KRT19: variants seen among roughly 807,000 people sequenced by gnomAD.
The protein encoded by KRT19 is keratin 19, also known as keratin, type I cytoskeletal 19.
A neutral mutation model predicts 34.6 loss-of-function variants in KRT19; 21 were observed. The ratio of observed to expected loss-of-function variants is 0.61; its 90% confidence interval spans 0.43 to 0.87. The LOEUF (loss-of-function observed/expected upper bound fraction) is 0.87, where lower values mean the gene tolerates loss of function less well. Ranked by LOEUF, KRT19 falls within the 40% of genes least tolerant of loss-of-function variation. KRT19 has a pLI of 0.00. For synonymous variants in KRT19, 240 were observed against 245.8 expected (o/e 0.98, Z 0.22); for missense variants, 514 against 545.7 (o/e 0.94, Z 0.58).
Position 41,528,270 on chromosome 17 carries a change from G to A in KRT19, c.-23C>T. The stretch of plus-strand genomic sequence containing the variant: ...CATGGCGAGGCGGAGCACGGACGGA[G>A]CAACCCTGGTCTCAGAAGCTGCGAT... On this transcript the variant is annotated 5_prime_UTR_variant, in exon 1 of 6. Coordinates refer to ENST00000361566, the MANE Select transcript of KRT19 (RefSeq NM_002276.5). The A allele has an allele frequency of 6.6e-7, 1 of 1,523,944 alleles. No individual in the cohort carries two copies. Among genetic ancestry groups the A allele is most frequent in the Non-Finnish European group, 8.7e-7 (1 of 1,145,646 alleles). 94.4% of individuals were successfully genotyped at this position (1,523,944 alleles called of 1,614,324 possible).
At chr17:41,527,308 G>A (rs1018787931) in intron 1 of KRT19, among the ~76,000 whole-genome samples, 1 of 152,244 alleles carries the variant, frequency 6.6e-6, no homozygotes, top group Non-Finnish European at 1.5e-5. Flanking sequence ...GAGAGTGGGA[G>A]GAGGCCAAAG....
chr17:41,527,941 C>G lies in KRT19; in HGVS notation c.307G>C (p.Ala103Pro), dbSNP rs1429654153. 1 of 1,613,756 alleles carries G rather than the reference C, an allele frequency of 6.2e-7. No homozygotes were observed. The highest frequency in any genetic ancestry group is 1.7e-5 in the Admixed American group (1 of 60,028). Residue 103 changes from alanine (A) to proline (P), a missense_variant, in exon 1 of 6, where the codon GCG becomes CCG. Ala to Pro is a conservative substitution (Grantham distance 27). Transcript: ENST00000361566. The stretch of plus-strand genomic sequence containing the variant: ...TTCACCTCTAGCTCGCCGTTGGCCG[C>G]CTCCAGGGCGCGCACCTTGTCCAGG... ...SYLDKVRALE[A>P]ANGELEVKIR...
chr17:41,527,029 C>T (rs1474471799), intron 1 of KRT19, among the ~76,000 whole-genome samples: 17 of 152,204 alleles, frequency 1.1e-4, no homozygotes, highest in Non-Finnish European at 2.2e-4. Context: ...CCAGCGTGTG[C>T]GGCTGTAAAT....
chr17:41,524,317 G>A (rs1426090752), intron 4 of KRT19, 49 bp from the exon 5 acceptor site: 21 of 1,611,488 alleles, frequency 1.3e-5, no homozygotes, highest in Non-Finnish European at 1.5e-5. Context: ...AGACCTTCGC[G>A]TAGGGAACAC....
Position 41,524,287 on chromosome 17 carries a change from G to A in KRT19, c.823-19C>T. ...CTTCAGTCTGCAGAGAGAGGAAGAA[G>A]AGGGAATAAGCATTGAGTCAGACCT... is the stretch of plus-strand genomic sequence containing the variant. On this transcript the variant is annotated intron_variant, in intron 4 of 5. Transcript: ENST00000361566. 2.5e-6 allele frequency: 4 copies of A among 1,613,178 alleles called. No homozygotes were observed. The highest frequency in any genetic ancestry group is 2.5e-6 in the Non-Finnish European group (3 of 1,179,316).
intron 2 of KRT19, 73 bp from the exon 3 acceptor site, chr17:41,525,072 T>C (rs1360626935): frequency 1.9e-6 from 3 of 1,592,174 alleles, no homozygotes; most frequent in Non-Finnish European, 2.6e-6. Flanking sequence ...CTCCCCAGAG[T>C]TCAGGAGTCC....
intron 3 of KRT19, 95 bp from the exon 4 acceptor site, chr17:41,524,635 G>A: frequency 1.4e-6 from 2 of 1,410,914 alleles, no homozygotes; most frequent in African/African-American, 1.4e-5. Flanking sequence ...AAGGGGCTTA[G>A]TTTTCAGGTG....
chr17:41,524,552 C>G lies in KRT19; in HGVS notation c.661-12G>C. 1 of 1,613,764 alleles carries G rather than the reference C, an allele frequency of 6.2e-7. No individual in the cohort carries two copies. The highest frequency in any genetic ancestry group is 8.5e-7 in the Non-Finnish European group (1 of 1,179,766). On this transcript the variant is annotated splice_polypyrimidine_tract_variant and intron_variant, in intron 3 of 5. Coordinates refer to ENST00000361566, the MANE Select transcript of KRT19 (RefSeq NM_002276.5). Reference sequence around the variant, plus strand: ...AGCGTACTGATTTCCTGTAAAGATACAGCAGAGATGGGCATGTCAGGGCCC... The same window carrying G: ...AGCGTACTGATTTCCTGTAAAGATAGAGCAGAGATGGGCATGTCAGGGCCC...
chr17:41,527,303 T>A (rs1597782316), intron 1 of KRT19, among the ~76,000 whole-genome samples: 2 of 151,426 alleles, frequency 1.3e-5, no homozygotes, highest in Non-Finnish European at 2.9e-5. Flanking sequence ...GGCGGGAGAG[T>A]GGGAGGAGGC....
In KRT19 at chr17:41,523,683, C is replaced by A; in HGVS notation, c.*60G>T. 6.4e-7 allele frequency: 1 copy of A among 1,558,772 alleles called. No homozygotes were observed. Among genetic ancestry groups the A allele is most frequent in the Non-Finnish European group, 8.8e-7 (1 of 1,137,394 alleles). On this transcript the variant is annotated 3_prime_UTR_variant, in exon 6 of 6. Transcript: ENST00000361566. Reference sequence around the variant, plus strand: ...GCCGGGGGTAAGGGTCCCTTCCTTCCCATCCCTCTACCCAGAAGACACCCT... The same window carrying A: ...GCCGGGGGTAAGGGTCCCTTCCTTCACATCCCTCTACCCAGAAGACACCCT...
chr17:41,524,736 G>T, intron 3 of KRT19, 107 bp downstream of exon 3: 1 of 1,365,292 alleles, frequency 7.3e-7, no homozygotes, highest in South Asian at 1.3e-5. Flanking sequence ...CCAGGGCCAT[G>T]GTGAGGGTGC....
Position 41,528,198 on chromosome 17 carries a change from C to A in KRT19, c.50G>T (p.Gly17Val), listed in dbSNP as rs1471081023. 3 of 1,585,972 alleles carry A rather than the reference C, an allele frequency of 1.9e-6. No individual in the cohort carries two copies. The highest frequency in any genetic ancestry group is 1.1e-5 in the South Asian group (1 of 88,628). The change falls in exon 1 of 6, where the codon GGC becomes GTC. Residue 17 changes from glycine (G) to valine (V), a missense_variant. Coordinates refer to ENST00000361566, the MANE Select transcript of KRT19 (RefSeq NM_002276.5). ...AAAACGCACGGAGCCGCCGCCCAGGCCTCCGAAGGACGACGTGGCCGACGA... is the reference window on the plus strand; with the variant it reads ...AAAACGCACGGAGCCGCCGCCCAGGACTCCGAAGGACGACGTGGCCGACGA... ...RQSSATSSFG[G>V]LGGGSVRFGP...
chr17:41,527,960 G>A lies in KRT19; in HGVS notation c.288C>T (p.Asp96=). ...NLNDRLASYL[D]KVRALEAANG... ...TGGCCGCCTCCAGGGCGCGCACCTT[G>A]TCCAGGTAGGAGGCCAGGCGGTCGT... Residue 96 remains aspartate, a synonymous_variant, in exon 1 of 6, where the codon GAC becomes GAT. Transcript: ENST00000361566. 1 of 1,613,796 alleles carries A rather than the reference G, an allele frequency of 6.2e-7. No individual in the cohort carries two copies. Among genetic ancestry groups the A allele is most frequent in the Non-Finnish European group, 8.5e-7 (1 of 1,179,898 alleles).
rs1281710512 is a variant in KRT19, at chr17:41,527,841, T to A, written c.407A>T (p.Asp136Val). 1 of 1,602,912 alleles carries A rather than the reference T, an allele frequency of 6.2e-7. No individual in the cohort carries two copies. The highest frequency in any genetic ancestry group is 1.7e-5 in the Admixed American group (1 of 59,136). ...DYSHYYTTIQ[D>V]LRDKILGATI... ...GCCTCCGCCCACCTTGTCCCGCAGGTCCTGGATGGTCGTGTAGTAGTGGCT... is the reference window on the plus strand; with the variant it reads ...GCCTCCGCCCACCTTGTCCCGCAGGACCTGGATGGTCGTGTAGTAGTGGCT... The change falls in exon 1 of 6, where the codon GAC (aspartate) becomes GTC (valine). Residue 136 changes from aspartate (D) to valine (V), a missense_variant. Asp to Val is a radical substitution (Grantham distance 152, BLOSUM62 -3). Transcript: ENST00000361566.
chr17:41,528,235 T>C lies in KRT19; in HGVS notation c.13A>G (p.Ser5Gly), dbSNP rs1905947995. 2 of 1,564,028 alleles carry C rather than the reference T, an allele frequency of 1.3e-6. No homozygotes were observed. The highest frequency in any genetic ancestry group is 1.8e-5 in the Admixed American group (1 of 55,344). MTSY[S>G]YRQSSATSSF... ...GACGTGGCCGACGACTGGCGATAGC[T>C]GTAGGAAGTCATGGCGAGGCGGAGC... Residue 5 changes from serine (S) to glycine (G), a missense_variant, in exon 1 of 6, where the codon AGC becomes GGC. Ser to Gly is a moderately conservative substitution (Grantham distance 56, BLOSUM62 0). Coordinates refer to ENST00000361566, the MANE Select transcript of KRT19 (RefSeq NM_002276.5).
chr17:41,527,094 T>C (rs1415734805), intron 1 of KRT19, among the ~76,000 whole-genome samples: 1 of 152,056 alleles, frequency 6.6e-6, no homozygotes, highest in Non-Finnish European at 1.5e-5. Flanking sequence ...TCCTTCCCTC[T>C]GGGTGGAGAC....
rs748371755 is a variant in KRT19 at position 41,528,074 on chromosome 17, CGAG to C, written c.171_173del (p.Ser58del). ...CGCCGTAGCCGCCGCCGTAGGCCCCCGAGGAGGACGAGGACACAAAGCGGGCGG... is the reference window on the plus strand; with the variant it reads ...CGCCGTAGCCGCCGCCGTAGGCCCCCGAGGACGAGGACACAAAGCGGGCGG... On this transcript the variant is annotated inframe_deletion, in exon 1 of 6. Coordinates refer to ENST00000361566, the MANE Select transcript of KRT19 (RefSeq NM_002276.5). The C allele has an allele frequency of 1.9e-6, 3 of 1,609,978 alleles. No individual in the cohort carries two copies. The African/African-American group carries it at 4.0e-5, about 22-fold the overall frequency.
rs769886630 is a variant in KRT19, at chr17:41,524,005, T to C, written c.949-8A>G. 2 of 1,608,694 alleles carry C rather than the reference T, an allele frequency of 1.2e-6. No homozygotes were observed. Among genetic ancestry groups the C allele is most frequent in the Admixed American group, 3.3e-5 (2 of 59,916 alleles). On this transcript the variant is annotated splice_region_variant and splice_polypyrimidine_tract_variant and intron_variant, in intron 5 of 5. Coordinates refer to ENST00000361566, the MANE Select transcript of KRT19 (RefSeq NM_002276.5). ...GTCTTCCAAGGCAGCTTTCTGAGGA[T>C]AGGGAGAGGGGGTTGTGACTCAGCA...
At position 41,528,105 on chromosome 17, in the gene KRT19, G is replaced by A. The variant is rs768130773; in HGVS notation, c.143C>T (p.Ser48Phe). Reference sequence around the variant, plus strand: ...GGACGAGGACACAAAGCGGGCGGAGGACACGGATACGCCGCGGCCGCCGGA... The same window carrying A: ...GGACGAGGACACAAAGCGGGCGGAGAACACGGATACGCCGCGGCCGCCGGA... ...GGSGGRGVSV[S>F]SARFVSSSSS... The change falls in exon 1 of 6, where the codon TCC becomes TTC. Residue 48 changes from serine (S) to phenylalanine (F), a missense_variant. By Grantham distance (155) the Ser-to-Phe change is radical. Coordinates refer to ENST00000361566, the MANE Select transcript of KRT19 (RefSeq NM_002276.5). The A allele has an allele frequency of 3.1e-6, 5 of 1,609,208 alleles. No individual in the cohort carries two copies. In the East Asian group the frequency reaches 1.1e-4, roughly 36 times the overall value.
Sources: gnomAD v4.1 joint callset for allele counts (sites outside exome capture counted in the v4.1 genomes callset) on GRCh38, gnomAD v4.1.1 for gene constraint, MANE v1.5 for transcripts, NCBI Gene and HGNC (gene_info 2026-07-23, HGNC 2026-07-21) for gene names.